The following NPC1 variants were observed in gnomAD, a reference collection of about 807,000 sequenced individuals.
NPC1 encodes Niemann-Pick C1 protein.
In NPC1, 85 loss-of-function variants were observed where a neutral mutation model predicts 140.4. That is an observed-to-expected ratio of 0.61 (90% CI 0.51 to 0.72). The LOEUF is 0.72. NPC1 is among the 30% of genes least tolerant of loss of function. The pLI, the probability that NPC1 is intolerant of heterozygous loss-of-function variation, is 0.00. For synonymous variants in NPC1, 656 were observed against 624.8 expected (o/e 1.05, Z -0.74); for missense variants, 1,504 against 1,623.8 (o/e 0.93, Z 1.27).
At chr18:23,558,992 G>A (rs900661260) in intron 6 of NPC1, among the ~76,000 whole-genome samples, 2 of 152,018 alleles carry the variant, frequency 1.3e-5, no homozygotes, top group Non-Finnish European at 2.9e-5. Context: ...TTGTCCTTGC[G>A]ATATTTTGCT....
intron 23 of NPC1, 128 bp from the exon 24 acceptor site, chr18:23,533,645 T>A: frequency 1.1e-6 from 1 of 900,408 alleles, no homozygotes; most frequent in Non-Finnish European, 1.8e-6. Flanking sequence ...TAGCTGGGAT[T>A]AAACAGGTGC....
At position 23,586,447 on chromosome 18, in the gene NPC1, A is replaced by G; in HGVS notation, c.-104T>C. The G allele has an allele frequency of 6.7e-7, 1 of 1,502,616 alleles. No homozygotes were observed. The highest frequency in any genetic ancestry group is 1.3e-5 in the South Asian group (1 of 79,626). 93.1% of individuals were successfully genotyped at this position (1,502,616 alleles called of 1,614,324 possible). ...CTGTTTCAGCACCCCGCGCAGGAGG[A>G]GCGGAGGAGCAGGAGCAGGCGCTGA... On this transcript the variant is annotated 5_prime_UTR_variant, in exon 1 of 25. Coordinates refer to ENST00000269228, the MANE Select transcript of NPC1 (RefSeq NM_000271.5).
At chr18:23,508,463 CCTTA>C (rs1483706619) in intron 3 of NPC1, among the ~76,000 whole-genome samples, 1 of 152,098 alleles carries the variant, frequency 6.6e-6, no homozygotes. Flanking sequence ...TTTGTCTTGT[CCTTA>C]CTCTTTCTTT....
downstream of NPC1, chr18:23,529,768 ACAGT>A (rs1186761885): frequency 6.7e-6 from 10 of 1,487,820 alleles, no homozygotes; most frequent in African/African-American, 2.8e-5. Context: ...AAAAAAAAAC[ACAGT>A]CACTGTCTTA....
At position 23,540,999 on chromosome 18, in the gene NPC1, G is replaced by C; in HGVS notation, c.2514+69C>G. On this transcript the variant is annotated intron_variant, in intron 16 of 24. Coordinates refer to ENST00000269228, the MANE Select transcript of NPC1 (RefSeq NM_000271.5). ...AAGAATCTCCTTCCCAGGCTGTCTG[G>C]CTTCTTAGAAGGCATGTGATAATCT... is the stretch of plus-strand genomic sequence containing the variant. 3.2e-6 allele frequency: 5 copies of C among 1,553,334 alleles called. No individual in the cohort carries two copies. The South Asian group carries it at 5.6e-5, about 17-fold the overall frequency.
Position 23,544,950 on chromosome 18 carries a change from C to CCCCA in NPC1, c.1947+9_1947+10insTGGG, listed in dbSNP as rs772150994. On this transcript the variant is annotated intron_variant, in intron 12 of 24. Transcript: ENST00000269228. ...ACCTCTAGAACATACACCACCCCCC[C>CCCCA]CCGGCTTACCAGAAGCCTGCGACAG... 148 of 1,415,974 alleles carry CCCCA rather than the reference C, an allele frequency of 1.0e-4. 9 individuals carry two copies. The highest frequency in any genetic ancestry group is 1.3e-4 in the Non-Finnish European group (127 of 1,011,688). 87.7% of individuals were successfully genotyped at this position (1,415,974 alleles called of 1,614,324 possible).
chr18:23,569,307 T>C (rs1400988880), intron 3 of NPC1, among the ~76,000 whole-genome samples: 4 of 152,144 alleles, frequency 2.6e-5, no homozygotes, highest in Non-Finnish European at 4.4e-5. Context: ...TAAAGGGACT[T>C]TGGAGCATCA....
chr18:23,561,228 T>G, intron 5 of NPC1, 132 bp downstream of exon 5: 1 of 914,370 alleles, frequency 1.1e-6, no homozygotes, highest in Non-Finnish European at 1.8e-6. Flanking sequence ...CCCAGGCTGG[T>G]CTGGAACTCC....
At chr18:23,575,723 G>T (rs1051376176) in intron 1 of NPC1, among the ~76,000 whole-genome samples, 1 of 134,206 alleles carries the variant, frequency 7.5e-6, no homozygotes, top group Non-Finnish European at 1.5e-5. Flanking sequence ...CAACATTCAG[G>T]TTTGCTTCTC....
intron 23 of NPC1, chr18:23,534,089 C>G: frequency 2.3e-6 from 1 of 437,514 alleles, no homozygotes; most frequent in South Asian, 2.2e-5. Flanking sequence ...ATAGGCTAAG[C>G]CAGGGTGTAG....
intron 1 of NPC1, among the ~76,000 whole-genome samples, chr18:23,583,532 G>A (rs987095303): frequency 6.6e-6 from 1 of 152,032 alleles, no homozygotes; most frequent in African/African-American, 2.4e-5. Context: ...CAATTTGACT[G>A]GAGAGCTGAT....
intron 20 of NPC1, among the ~76,000 whole-genome samples, chr18:23,538,255 C>T (rs1270469429): frequency 2.6e-5 from 4 of 152,214 alleles, no homozygotes; most frequent in African/African-American, 4.8e-5. Context: ...CCCTCAGCCC[C>T]GCTTGGAATG....
chr18:23,526,894 G>A, downstream of NPC1: 1 of 1,276,222 alleles, frequency 7.8e-7, no homozygotes, highest in South Asian at 1.5e-5. Flanking sequence ...TTATGTGAGG[G>A]GTGGCTATGT....
chr18:23,530,262 C>T (rs200032808), downstream of NPC1: 3 of 1,614,210 alleles, frequency 1.9e-6, no homozygotes, highest in Non-Finnish European at 2.5e-6. Context: ...GAGTTTCTAT[C>T]CTCCTGCTCA....
At chr18:23,533,859 GTAGCATCATC>G in intron 23 of NPC1, 1 of 374,266 alleles carries the variant, frequency 2.7e-6, no homozygotes, top group South Asian at 2.3e-5. Context: ...CTGAACCCAG[GTAGCATCATC>G]TACTACCTAA....
In NPC1 at chr18:23,559,939, C is replaced by T. The variant is rs370339939; in HGVS notation, c.881+292G>A. Reference sequence around the variant, plus strand: ...CACCACTGCACTTCAGCCTGGGCGACAAGAGTGAGACTCAGTCTCCAAAAA... The same window carrying T: ...CACCACTGCACTTCAGCCTGGGCGATAAGAGTGAGACTCAGTCTCCAAAAA... On this transcript the variant is annotated intron_variant, in intron 6 of 24. Transcript: ENST00000269228. Among the ~76,000 whole-genome samples the T allele has an allele frequency of 1.3e-4, 20 of 151,268 alleles. No individual in the cohort carries two copies. The East Asian group carries it at 2.5e-3, about 19-fold the overall frequency.
chr18:23,586,129 G>C (rs890525627), intron 1 of NPC1, among the ~76,000 whole-genome samples, 158 bp downstream of exon 1: 1 of 152,180 alleles, frequency 6.6e-6, no homozygotes, highest in Non-Finnish European at 1.5e-5. Flanking sequence ...AGCGTGGCCG[G>C]AGACAGAAAC....
intron 4 of NPC1, among the ~76,000 whole-genome samples, 180 bp from the exon 5 acceptor site, chr18:23,561,707 C>T (rs1235953890): frequency 2.0e-5 from 3 of 152,142 alleles, no homozygotes; most frequent in South Asian, 2.1e-4. Context: ...GGCTTATCAC[C>T]CTGCAAATAA....
intron 11 of NPC1, among the ~76,000 whole-genome samples, chr18:23,547,357 A>C (rs1233905212): frequency 6.6e-6 from 1 of 152,198 alleles, no homozygotes; most frequent in Non-Finnish European, 1.5e-5. Flanking sequence ...TGGACCATTT[A>C]CTTCACTGTC....
Sources: allele counts gnomAD v4.1 joint callset (sites outside exome capture counted in the v4.1 genomes callset), GRCh38; gene constraint gnomAD v4.1.1; transcripts MANE v1.5; gene names NCBI Gene and HGNC (gene_info 2026-07-23, HGNC 2026-07-21).